The following RNF212B variants were observed in gnomAD, a reference collection of about 807,000 sequenced individuals.
RNF212B encodes ring finger protein 212B.
Under a neutral mutation model 55.5 loss-of-function variants are expected in RNF212B, and 52 were observed. The observed-to-expected ratio is 0.94, with a 90% confidence interval of 0.75 to 1.18. The LOEUF (loss-of-function observed/expected upper bound fraction) is 1.18. Ranked by LOEUF, RNF212B falls within the 50% of genes most tolerant of loss-of-function variation. The pLI, the probability that RNF212B is intolerant of heterozygous loss-of-function variation, is 0.00. For missense variants in RNF212B, 289 were observed against 350.4 expected (o/e 0.82, Z 1.40); for synonymous variants, 99 against 121.4 (o/e 0.82, Z 1.21).
chr14:23,228,861 C>G (rs934788699), intron 2 of RNF212B, among the ~76,000 whole-genome samples: 1 of 151,906 alleles, frequency 6.6e-6, no homozygotes, highest in African/African-American at 2.4e-5. Context: ...CTTTTTATTT[C>G]GGTAAAATAT....
rs1429308207 is a variant in RNF212B, at chr14:23,273,344, T to C, written c.*453T>C. The C allele has an allele frequency of 6.5e-6, 1 of 152,978 alleles. No homozygotes were observed. Among genetic ancestry groups the C allele is most frequent in the African/African-American group, 2.4e-5 (1 of 41,472 alleles). The allele number at this position is 152,978 out of a possible 1,614,324, so 9.5% of individuals were successfully genotyped here. A position where few individuals can be genotyped will look rare whatever the true frequency, so the allele number is the denominator to read the frequency against. ...TTTCCTTATTATACTTTTTTATTTGTCTATTATTTCCTCTATGCTTAGTTA... is the reference window on the plus strand; with the variant it reads ...TTTCCTTATTATACTTTTTTATTTGCCTATTATTTCCTCTATGCTTAGTTA... On this transcript the variant is annotated 3_prime_UTR_variant, in exon 15 of 15. Coordinates refer to ENST00000430154, the MANE Select transcript of RNF212B (RefSeq NM_001282322.3).
Position 23,243,694 on chromosome 14 carries a change from C to CA in RNF212B, c.153+411dup, listed in dbSNP as rs761227119. ...TTGGGCTCAGAGTAAGACTCTGTCT[C>CA]AAAAAAAAAAAAAAAAAAAAAAAAA... On this transcript the variant is annotated intron_variant, in intron 3 of 14. Coordinates refer to ENST00000430154, the MANE Select transcript of RNF212B (RefSeq NM_001282322.3). 1.6e-3 allele frequency among the ~76,000 whole-genome samples: 53 copies of CA among 32,518 alleles called. 3 individuals carry two copies. The highest frequency in any genetic ancestry group is 2.5e-3 in the South Asian group (2 of 788). The allele number at this position is 32,518 out of a possible 152,430, so 21.3% of individuals were successfully genotyped here. A position where few individuals can be genotyped will look rare whatever the true frequency, so the allele number is the denominator to read the frequency against.
chr14:23,228,120 C>A (rs1000758869), intron 2 of RNF212B, among the ~76,000 whole-genome samples: 1 of 151,896 alleles, frequency 6.6e-6, no homozygotes, highest in African/African-American at 2.4e-5. Context: ...ATCCCAGCTA[C>A]TCAGGAGGCT....
chr14:23,242,332 A>G (rs1051373714), intron 2 of RNF212B, among the ~76,000 whole-genome samples: 9 of 152,146 alleles, frequency 5.9e-5, no homozygotes, highest in Non-Finnish European at 1.2e-4. Context: ...TGTCTTAATC[A>G]ATGACCAGTC....
chr14:23,222,305 CAT>C (rs1204426483), intron 2 of RNF212B, among the ~76,000 whole-genome samples: 1 of 151,754 alleles, frequency 6.6e-6, no homozygotes, highest in Non-Finnish European at 1.5e-5. Flanking sequence ...AAAAAGGAGA[CAT>C]AACTAATACC....
At position 23,262,989 on chromosome 14, in the gene RNF212B, A is replaced by G; in HGVS notation, c.524+19A>G. The G allele has an allele frequency of 1.3e-6, 2 of 1,548,654 alleles. No individual in the cohort carries two copies. The highest frequency in any genetic ancestry group is 2.7e-5 in the African/African-American group (2 of 73,146). On this transcript the variant is annotated intron_variant, in intron 9 of 14. Coordinates refer to ENST00000430154, the MANE Select transcript of RNF212B (RefSeq NM_001282322.3). ...TGGTCAGGTAAACCTACACAGCAAC[A>G]TTAAAACTGTTGGCAAAAGTTGGAA...
chr14:23,209,432 C>T (rs1833578993), intron 2 of RNF212B, among the ~76,000 whole-genome samples: 1 of 152,202 alleles, frequency 6.6e-6, no homozygotes, highest in Non-Finnish European at 1.5e-5. Context: ...CTGGTTCACA[C>T]ACCTCTGACA....
intron 1 of RNF212B, among the ~76,000 whole-genome samples, chr14:23,186,633 C>A (rs1877629475): frequency 6.6e-6 from 1 of 152,172 alleles, no homozygotes. Context: ...CTCTATTCTG[C>A]ATTTGCCTTT....
chr14:23,201,777 A>G (rs140442894), intron 2 of RNF212B, among the ~76,000 whole-genome samples: 1,570 of 152,312 alleles, frequency 0.01, 35 homozygotes, highest in African/African-American at 0.035. Context: ...GATTTCAAAA[A>G]TAGTGAAAAC....
intron 7 of RNF212B, among the ~76,000 whole-genome samples, chr14:23,261,821 C>T (rs183838899): frequency 8.6e-5 from 13 of 151,954 alleles, no homozygotes; most frequent in African/African-American, 2.2e-4. Flanking sequence ...CAAAATTAGC[C>T]GGGCGTGGTG....
At chr14:23,198,118 C>T (rs1878914532) in intron 2 of RNF212B, among the ~76,000 whole-genome samples, 1 of 152,206 alleles carries the variant, frequency 6.6e-6, no homozygotes, top group Non-Finnish European at 1.5e-5. Context: ...GTGCAAGTCA[C>T]AGGGGATGCG....
intron 14 of RNF212B, among the ~76,000 whole-genome samples, chr14:23,270,911 T>C (rs531155827): frequency 6.6e-6 from 1 of 152,352 alleles, no homozygotes; most frequent in East Asian, 1.9e-4. Context: ...TGAGAGGTCT[T>C]GGCCAGCGTG....
At chr14:23,211,929 T>C (rs186782754) in intron 2 of RNF212B, among the ~76,000 whole-genome samples, 3 of 152,302 alleles carry the variant, frequency 2.0e-5, no homozygotes, top group East Asian at 1.9e-4. Context: ...GGTTTTGCCA[T>C]GTTGGCCAGG....
intron 4 of RNF212B, among the ~76,000 whole-genome samples, chr14:23,253,566 G>T (rs1884573856): frequency 6.6e-6 from 1 of 152,080 alleles, no homozygotes; most frequent in Non-Finnish European, 1.5e-5. Flanking sequence ...TTATTCTAGT[G>T]TTGTATTCCA....
intron 11 of RNF212B, among the ~76,000 whole-genome samples, chr14:23,265,554 C>A (rs1418275783): frequency 6.6e-6 from 1 of 152,132 alleles, no homozygotes; most frequent in African/African-American, 2.4e-5. Context: ...TCCAAATAGT[C>A]TCCCTCTAAA....
intron 2 of RNF212B, among the ~76,000 whole-genome samples, chr14:23,223,600 C>T (rs1184441304): frequency 6.6e-6 from 1 of 152,174 alleles, no homozygotes; most frequent in Non-Finnish European, 1.5e-5. Context: ...CGTGATCTGC[C>T]CGCCTCAGCC....
At chr14:23,238,164 T>TCACTG (rs950665792) in intron 1 of RNF212B, among the ~76,000 whole-genome samples, 109 bp downstream of exon 1, 10 of 152,142 alleles carry the variant, frequency 6.6e-5, no homozygotes, top group Admixed American at 2.6e-4. Flanking sequence ...ATCACCCTGT[T>TCACTG]CACTGCCTTT....
At chr14:23,231,961 CTGGAGTGCAG>C (rs1347917369) in intron 2 of RNF212B, among the ~76,000 whole-genome samples, 1 of 152,176 alleles carries the variant, frequency 6.6e-6, no homozygotes, top group Non-Finnish European at 1.5e-5. Flanking sequence ...GTTGCCCAGG[CTGGAGTGCAG>C]TGGCGTGATC....
chr14:23,265,982 T>C (rs537935741), intron 11 of RNF212B, among the ~76,000 whole-genome samples: 1 of 152,324 alleles, frequency 6.6e-6, no homozygotes, highest in Admixed American at 6.5e-5. Flanking sequence ...TTTGTTCATT[T>C]GTGTTTTTTT....
Sources: allele counts gnomAD v4.1 joint callset (sites outside exome capture counted in the v4.1 genomes callset), GRCh38; gene constraint gnomAD v4.1.1; transcripts MANE v1.5; gene names NCBI Gene and HGNC (gene_info 2026-07-23, HGNC 2026-07-21).